Variants in EXD2 observed in about 807,000 individuals in gnomAD.
EXD2 encodes the protein exonuclease 3'-5' domain containing 2.
In EXD2, 40 loss-of-function variants were observed where a neutral mutation model predicts 62.5. The observed-to-expected ratio is 0.64, with a 90% CI of 0.50 to 0.83. EXD2 has a LOEUF of 0.83. EXD2 is among the 40% of genes least tolerant of loss of function. The pLI is 0.00. For synonymous variants in EXD2, 239 were observed against 291.9 expected (o/e 0.82, Z 1.85); for missense variants, 671 against 761.8 (o/e 0.88, Z 1.40).
chr14:69,228,935 G>A lies in EXD2; in HGVS notation c.453G>A (p.Thr151=), dbSNP rs138093330. The A allele has an allele frequency of 1.8e-5, 29 of 1,614,148 alleles. No homozygotes were observed. Among genetic ancestry groups the A allele is most frequent in the African/African-American group, 2.7e-5 (2 of 75,038 alleles). Residue 151 remains threonine, a synonymous_variant, in exon 4 of 10, where the codon ACG becomes ACA. Coordinates refer to ENST00000685843, the MANE Select transcript of EXD2 (RefSeq NM_001193360.2). ...LICGGKTLPR[T]LLDILADGTI... The stretch of plus-strand genomic sequence containing the variant: ...GTGGAGGAAAAACACTACCAAGAAC[G>A]TTATTGGATATTTTGGCAGATGGCA...
chr14:69,228,175 T>A (rs1047373275), intron 3 of EXD2, among the ~76,000 whole-genome samples: 4 of 148,772 alleles, frequency 2.7e-5, no homozygotes, highest in Non-Finnish European at 5.9e-5. Flanking sequence ...CTGGGCCTTT[T>A]TTCCTTAGCC....
chr14:69,202,480 G>A (rs1355491946), intron 1 of EXD2, among the ~76,000 whole-genome samples: 1 of 152,140 alleles, frequency 6.6e-6, no homozygotes, highest in African/African-American at 2.4e-5. Flanking sequence ...CCCACTCTTT[G>A]CAACTTGTTC....
At chr14:69,197,175 T>G (rs949158115) in intron 1 of EXD2, among the ~76,000 whole-genome samples, 8 of 152,188 alleles carry the variant, frequency 5.3e-5, no homozygotes, top group Non-Finnish European at 7.4e-5. Flanking sequence ...GAGCTGTGAT[T>G]GCATCACTGC....
chr14:69,234,490 GA>G (rs1216843387), intron 5 of EXD2, among the ~76,000 whole-genome samples: 1 of 152,136 alleles, frequency 6.6e-6, no homozygotes, highest in South Asian at 2.1e-4. Flanking sequence ...AAAACATAGG[GA>G]ACATGAGAGT....
intron 3 of EXD2, among the ~76,000 whole-genome samples, chr14:69,210,649 C>T (rs1255529255): frequency 6.6e-6 from 1 of 151,934 alleles, no homozygotes; most frequent in Non-Finnish European, 1.5e-5. Context: ...TCCATCTCTA[C>T]AAAAAGAGAA....
At chr14:69,214,900 A>G (rs978876257) in intron 3 of EXD2, among the ~76,000 whole-genome samples, 3 of 151,762 alleles carry the variant, frequency 2.0e-5, no homozygotes, top group African/African-American at 7.3e-5. Context: ...TGTGACTATG[A>G]TTTGTTGCCA....
chr14:69,220,557 A>ATT (rs535128926), intron 3 of EXD2, among the ~76,000 whole-genome samples: 11 of 113,412 alleles, frequency 9.7e-5, no homozygotes, highest in Admixed American at 1.8e-4. Context: ...CGTGCTGGGC[A>ATT]TTTTTTTTTT....
rs779199657 is a variant in EXD2 at position 69,209,777 on chromosome 14, C to T, written c.307C>T (p.Pro103Ser). The T allele has an allele frequency of 4.9e-5, 74 of 1,509,218 alleles. No individual in the cohort carries two copies. In the South Asian group the frequency reaches 8.4e-4, roughly 17 times the overall value. The allele number at this position is 1,509,218 out of a possible 1,614,324, so 93.5% of individuals were successfully genotyped here. The change falls in exon 3 of 10, where the codon CCA becomes TCA. Residue 103 changes from proline to serine, a missense_variant. By Grantham distance (74) the Pro-to-Ser change is moderately conservative (BLOSUM62 -1). Coordinates refer to ENST00000685843, the MANE Select transcript of EXD2 (RefSeq NM_001193360.2). ...PLLRSELEDF[P>S]VLGIDCEWVN... ...GCTTAGAAGTGAATTAGAAGATTTT[C>T]CAGTACTTGGAATTGACTGTGAGTG...
rs1015929099 is a variant in EXD2 at position 69,242,416 on chromosome 14, G to A, written c.*1316G>A. ...CTTTATAAAACTGGCATTCCTAGGG[G>A]AGGGGCTATTTATCCTACAGGTCCC... On this transcript the variant is annotated 3_prime_UTR_variant, in exon 10 of 10. Coordinates refer to ENST00000685843, the MANE Select transcript of EXD2 (RefSeq NM_001193360.2). 2 of 164,554 alleles carry A rather than the reference G, an allele frequency of 1.2e-5. No homozygotes were observed. Among genetic ancestry groups the A allele is most frequent in the African/African-American group, 4.8e-5 (2 of 42,022 alleles). 10.2% of individuals were successfully genotyped at this position (164,554 alleles called of 1,614,324 possible). A position where few individuals can be genotyped will look rare whatever the true frequency, so the allele number is the denominator to read the frequency against.
intron 3 of EXD2, among the ~76,000 whole-genome samples, chr14:69,215,241 G>A (rs1173721395): frequency 1.3e-5 from 2 of 152,164 alleles, no homozygotes; most frequent in Admixed American, 1.3e-4. Flanking sequence ...AGTGAGCTGA[G>A]AGTGTGCCAC....
In EXD2 at chr14:69,241,114, C is replaced by T. The variant is rs756606515; in HGVS notation, c.*14C>T. On this transcript the variant is annotated 3_prime_UTR_variant, in exon 10 of 10. Transcript: ENST00000685843. ...CAGCTGTCTTGATAGCTGCTTTCCT[C>T]CCAGTTAGGACAAGTGGGAAGCTGG... 11 of 1,609,474 alleles carry T rather than the reference C, an allele frequency of 6.8e-6. No individual in the cohort carries two copies. In the South Asian group the frequency reaches 1.2e-4, roughly 18 times the overall value.
intron 3 of EXD2, among the ~76,000 whole-genome samples, chr14:69,226,773 GTT>G (rs10710360): frequency 0.013 from 1,880 of 140,558 alleles, 38 homozygotes; most frequent in African/African-American, 0.041. Context: ...AGCCCTCCCA[GTT>G]TTTTTTTTTT....
chr14:69,225,997 T>G (rs1026826170), intron 3 of EXD2, among the ~76,000 whole-genome samples: 1 of 152,224 alleles, frequency 6.6e-6, no homozygotes, highest in South Asian at 2.1e-4. Flanking sequence ...TTATTTAATG[T>G]ATTTTATCTT....
Position 69,214,194 on chromosome 14 carries a change from A to C in EXD2, c.333+4391A>C, listed in dbSNP as rs955786461. On this transcript the variant is annotated intron_variant, in intron 3 of 9. Transcript: ENST00000685843. ...TCTTTGTAAGTAATGTAATTTTTTCATATCTCTTCTTAAGATCTTCTCTTT... is the reference window on the plus strand; with the variant it reads ...TCTTTGTAAGTAATGTAATTTTTTCCTATCTCTTCTTAAGATCTTCTCTTT... The C allele has an allele frequency of 2.0e-5, 3 of 152,084 alleles. No homozygotes were observed. In the East Asian group the frequency reaches 5.8e-4, roughly 29 times the overall value. 9.4% of individuals were successfully genotyped at this position (152,084 alleles called of 1,614,324 possible). A position where few individuals can be genotyped will look rare whatever the true frequency, so the allele number is the denominator to read the frequency against.
chr14:69,229,152 A>G (rs1026082644), intron 4 of EXD2, 80 bp downstream of exon 4: 44 of 1,541,358 alleles, frequency 2.9e-5, no homozygotes, highest in Middle Eastern at 1.9e-4. Flanking sequence ...CTGGGACTCA[A>G]TAGTGAGACA....
intron 3 of EXD2, among the ~76,000 whole-genome samples, chr14:69,227,315 A>T (rs1278975699): frequency 6.6e-6 from 1 of 152,198 alleles, no homozygotes; most frequent in Admixed American, 6.5e-5. Context: ...TTTAGGTGAT[A>T]GTGTGATAGC....
chr14:69,194,419 T>A (rs2042131564), intron 1 of EXD2, among the ~76,000 whole-genome samples: 1 of 152,208 alleles, frequency 6.6e-6, no homozygotes, highest in Admixed American at 6.5e-5. Context: ...ATTACAGGTG[T>A]GAGCCACCGC....
At chr14:69,194,604 C>G (rs1461116980) in intron 1 of EXD2, among the ~76,000 whole-genome samples, 1 of 152,086 alleles carries the variant, frequency 6.6e-6, no homozygotes, top group African/African-American at 2.4e-5. Context: ...CCATCAGCCT[C>G]CCAAAGTTCT....
chr14:69,203,528 G>GC (rs1175132292), intron 1 of EXD2, among the ~76,000 whole-genome samples: 22 of 152,180 alleles, frequency 1.4e-4, no homozygotes, highest in Admixed American at 1.4e-3. Flanking sequence ...TATTTAACAG[G>GC]CTTTAAGGAG....
Sources: allele counts gnomAD v4.1 joint callset (sites outside exome capture counted in the v4.1 genomes callset), GRCh38; gene constraint gnomAD v4.1.1; transcripts MANE v1.5; gene names NCBI Gene and HGNC (gene_info 2026-07-23, HGNC 2026-07-21).